OXR1: variants seen among roughly 807,000 people sequenced by gnomAD.
OXR1 encodes oxidation resistance protein 1.
Under a neutral mutation model 104.6 loss-of-function variants are expected in OXR1, and 41 were observed. The ratio of observed to expected loss-of-function variants is 0.39; its 90% CI spans 0.31 to 0.51. The LOEUF is 0.51. OXR1 is among the 20% of genes least tolerant of loss of function. The pLI, the probability that OXR1 is intolerant of heterozygous loss-of-function variation, is 0.77. For missense variants in OXR1, 955 were observed against 1,031.9 expected (o/e 0.93, Z 1.02); for synonymous variants, 348 against 348.4 (o/e 1.00, Z 0.01).
intron 11 of OXR1, among the ~76,000 whole-genome samples, chr8:106,728,018 G>A (rs1833512989): frequency 6.6e-6 from 1 of 152,052 alleles, no homozygotes; most frequent in Non-Finnish European, 1.5e-5. Flanking sequence ...ACAATATGAT[G>A]TGTTTTGTTG....
chr8:106,482,061 G>A (rs1287671674), intron 2 of OXR1, among the ~76,000 whole-genome samples: 1 of 151,976 alleles, frequency 6.6e-6, no homozygotes, highest in Non-Finnish European at 1.5e-5. Context: ...CATTTATTGG[G>A]TGCCAAATCT....
At chr8:106,302,731 T>C (rs1179163491) in intron 1 of OXR1, among the ~76,000 whole-genome samples, 3 of 152,088 alleles carry the variant, frequency 2.0e-5, no homozygotes, top group Admixed American at 6.5e-5. Flanking sequence ...AAAACAAGCA[T>C]ACCTGTTTGG....
chr8:106,468,619 T>G (rs1425552514), intron 2 of OXR1, among the ~76,000 whole-genome samples: 1 of 151,792 alleles, frequency 6.6e-6, no homozygotes, highest in East Asian at 2.0e-4. Flanking sequence ...GGTAGTATCT[T>G]TGGGGAAGTC....
intron 3 of OXR1, among the ~76,000 whole-genome samples, chr8:106,542,391 T>C (rs1055803425): frequency 3.9e-5 from 6 of 152,148 alleles, no homozygotes; most frequent in African/African-American, 1.4e-4. Flanking sequence ...TTTTTGTTCA[T>C]CTTCAAAGGG....
chr8:106,452,609 G>A (rs763951423), intron 2 of OXR1, among the ~76,000 whole-genome samples: 2 of 152,058 alleles, frequency 1.3e-5, no homozygotes, highest in Non-Finnish European at 2.9e-5. Flanking sequence ...TTTGATATTG[G>A]ACTTTTAAAG....
rs1393545322 is a variant in OXR1, at chr8:106,653,079, A to ATATATAT, written c.221-26131_221-26130insTATATAT. On this transcript the variant is annotated intron_variant, in intron 3 of 16. Transcript: ENST00000517566. ...TGACACAAGGAGAAATAGAAAAAAA[A>ATATATAT]AAAAATATATATATATATATGGTAA... is the stretch of plus-strand genomic sequence containing the variant. Among the ~76,000 whole-genome samples, 38 of 107,900 alleles carry ATATATAT rather than the reference A, an allele frequency of 3.5e-4. No homozygotes were observed. The East Asian group carries it at 5.8e-3, about 16-fold the overall frequency. The allele number at this position is 107,900 out of a possible 152,430, so 70.8% of individuals were successfully genotyped here. A position where few individuals can be genotyped will look rare whatever the true frequency, so the allele number is the denominator to read the frequency against.
chr8:106,682,843 G>A (rs1436307204), intron 4 of OXR1, among the ~76,000 whole-genome samples: 3 of 151,838 alleles, frequency 2.0e-5, no homozygotes, highest in African/African-American at 7.3e-5. Context: ...TTAGTATGTT[G>A]CTAGAAGTCA....
intron 3 of OXR1, among the ~76,000 whole-genome samples, chr8:106,589,830 C>T (rs1818938856): frequency 6.6e-6 from 1 of 152,092 alleles, no homozygotes; most frequent in African/African-American, 2.4e-5. Context: ...CCATGCCCGA[C>T]TAATTTTTCT....
chr8:106,431,938 A>G (rs1819376775), intron 2 of OXR1, among the ~76,000 whole-genome samples: 1 of 152,196 alleles, frequency 6.6e-6, no homozygotes, highest in South Asian at 2.1e-4. Flanking sequence ...GAAATAAAAT[A>G]TTAGAGTTGG....
At chr8:106,323,960 C>T (rs1814343456) in intron 1 of OXR1, among the ~76,000 whole-genome samples, 1 of 152,106 alleles carries the variant, frequency 6.6e-6, no homozygotes. Context: ...GGTGATTTCT[C>T]AAGGAGCTAA....
In OXR1 at chr8:106,745,867, G is replaced by A; in HGVS notation, c.2486+5G>A. 1 of 1,529,716 alleles carries A rather than the reference G, an allele frequency of 6.5e-7. No homozygotes were observed. Among genetic ancestry groups the A allele is most frequent in the Non-Finnish European group, 9.0e-7 (1 of 1,106,010 alleles). The allele number at this position is 1,529,716 out of a possible 1,614,324, so 94.8% of individuals were successfully genotyped here. ...ACTAGCTTTCGGTGGTGGAGGGTAA[G>A]TCTCTTGAACATTTCACTATGAGAT... On this transcript the variant is annotated splice_donor_5th_base_variant and intron_variant, in intron 16 of 16. Transcript: ENST00000517566.
intron 3 of OXR1, among the ~76,000 whole-genome samples, chr8:106,523,899 C>T (rs367555777): frequency 3.9e-5 from 6 of 151,922 alleles, no homozygotes; most frequent in Non-Finnish European, 8.8e-5. Flanking sequence ...CTCAGCCTCC[C>T]GAGTAGCTGG....
chr8:106,403,962 G>T (rs1271754374), intron 2 of OXR1, among the ~76,000 whole-genome samples: 2 of 152,178 alleles, frequency 1.3e-5, no homozygotes, highest in African/African-American at 4.8e-5. Context: ...AAAGAGATGT[G>T]AGAGGGGGAG....
chr8:106,588,323 T>C (rs1818810230), intron 3 of OXR1, among the ~76,000 whole-genome samples: 1 of 151,886 alleles, frequency 6.6e-6, no homozygotes, highest in African/African-American at 2.4e-5. Flanking sequence ...TCAATATATC[T>C]CAAAGGACTC....
intron 2 of OXR1, among the ~76,000 whole-genome samples, chr8:106,484,181 G>A (rs1822307243): frequency 6.6e-6 from 1 of 151,666 alleles, no homozygotes; most frequent in South Asian, 2.1e-4. Context: ...GACATACCTG[G>A]TAGAGGACCT....
chr8:106,697,616 C>T, intron 7 of OXR1: 1 of 1,613,470 alleles, frequency 6.2e-7, no homozygotes. Context: ...GCCAACCCAC[C>T]CAGATTCCTC....
chr8:106,441,648 A>G (rs1053568251), intron 2 of OXR1, among the ~76,000 whole-genome samples: 2 of 152,036 alleles, frequency 1.3e-5, no homozygotes, highest in Non-Finnish European at 2.9e-5. Context: ...TGCTAGCTGT[A>G]TTCCTAGGTA....
intron 2 of OXR1, among the ~76,000 whole-genome samples, chr8:106,393,145 G>T (rs1278990640): frequency 6.6e-6 from 1 of 152,054 alleles, no homozygotes; most frequent in Non-Finnish European, 1.5e-5. Context: ...CATTGCTACA[G>T]TCTGTACCTT....
chr8:106,556,656 T>C (rs1206543097), intron 3 of OXR1, among the ~76,000 whole-genome samples: 7 of 152,176 alleles, frequency 4.6e-5, no homozygotes, highest in South Asian at 4.1e-4. Context: ...GGAAGTCATA[T>C]GTCCTTAAGA....
Sources: allele counts gnomAD v4.1 joint callset (sites outside exome capture counted in the v4.1 genomes callset), GRCh38; gene constraint gnomAD v4.1.1; transcripts MANE v1.5; gene names NCBI Gene and HGNC (gene_info 2026-07-23, HGNC 2026-07-21).